The following BCKDHA variants were observed in gnomAD, a reference collection of about 807,000 sequenced individuals.
BCKDHA encodes the protein 2-oxoisovalerate dehydrogenase subunit alpha, mitochondrial.
Under a neutral mutation model 52.2 loss-of-function variants are expected in BCKDHA, and 43 were observed. The ratio of observed to expected loss-of-function variants is 0.82; its 90% CI spans 0.64 to 1.06. The LOEUF (loss-of-function observed/expected upper bound fraction) is 1.06. BCKDHA is among the 50% of genes least tolerant of loss of function. The pLI is 0.00. For synonymous variants in BCKDHA, 234 were observed against 247.9 expected, an observed-to-expected ratio of 0.94 and a Z score of 0.53; for missense variants, 527 against 621.3, an observed-to-expected ratio of 0.85 and a Z score of 1.61.
At chr19:41,423,214 C>A (rs373091718) in intron 8 of BCKDHA, 45 bp downstream of exon 8, 162 of 1,546,624 alleles carry the variant, frequency 1.0e-4, no homozygotes, top group Non-Finnish European at 1.4e-4. Context: ...GCTGCTGCGG[C>A]CTGCAGAGCT....
At chr19:41,423,230 A>G in intron 8 of BCKDHA, 61 bp downstream of exon 8, 2 of 1,544,772 alleles carry the variant, frequency 1.3e-6, no homozygotes, top group Non-Finnish European at 1.7e-6. Context: ...GAGCTTGGGA[A>G]GGATTTGTGG....
chr19:41,421,443 G>A (rs928741553), intron 5 of BCKDHA, among the ~76,000 whole-genome samples: 2 of 106,936 alleles, frequency 1.9e-5, no homozygotes, highest in African/African-American at 4.7e-5. Flanking sequence ...CTGAAGTATG[G>A]ACCAGAGGAT....
intron 4 of BCKDHA, among the ~76,000 whole-genome samples, chr19:41,417,063 G>A (rs1192441046): frequency 3.3e-5 from 5 of 152,276 alleles, no homozygotes; most frequent in Admixed American, 3.3e-4. Context: ...CCAGGTTGAA[G>A]TGCAGTGGCA....
intron 1 of BCKDHA, among the ~76,000 whole-genome samples, chr19:41,408,536 A>G (rs185933455): frequency 0.011 from 1,643 of 151,724 alleles, 34 homozygotes; most frequent in African/African-American, 0.038. Context: ...TAGGCTTCTC[A>G]CAGGTCTCCT....
At chr19:41,407,913 G>C (rs1008526506) in intron 1 of BCKDHA, among the ~76,000 whole-genome samples, 2 of 151,816 alleles carry the variant, frequency 1.3e-5, no homozygotes, top group East Asian at 3.9e-4. Context: ...ATGTCTAGGA[G>C]CCTGAATCTC....
chr19:41,424,728 C>G lies in BCKDHA; in HGVS notation c.*120C>G. 1 of 1,198,298 alleles carries G rather than the reference C, an allele frequency of 8.3e-7. No individual in the cohort carries two copies. Among genetic ancestry groups the G allele is most frequent in the South Asian group, 1.6e-5 (1 of 63,948 alleles). 74.2% of individuals were successfully genotyped at this position (1,198,298 alleles called of 1,614,324 possible). ...TCCCCAGTCAGCTCCCTCTAAAATA[C>G]TCAGCGGCCAGGGCGGCTGCCACTC... On this transcript the variant is annotated 3_prime_UTR_variant, in exon 9 of 9. Transcript: ENST00000269980.
chr19:41,406,829 C>CA lies in BCKDHA; in HGVS notation c.109-3805dup, dbSNP rs199740671. 2.0e-3 allele frequency among the ~76,000 whole-genome samples: 309 copies of CA among 152,336 alleles called. 2 individuals carry two copies. The highest frequency in any genetic ancestry group is 0.015 in the East Asian group (80 of 5,174). ...AGGTGATCTGCCTGCCTCGGACTCC[C>CA]AAAGTGCTGGGATTACAGGCGTGAG... On this transcript the variant is annotated intron_variant, in intron 1 of 8. Transcript: ENST00000269980.
At chr19:41,410,410 C>T (rs1365926073) in intron 1 of BCKDHA, among the ~76,000 whole-genome samples, 1 of 152,182 alleles carries the variant, frequency 6.6e-6, no homozygotes, top group Non-Finnish European at 1.5e-5. Context: ...TGTTTTCATC[C>T]CAGTTTTTCA....
intron 5 of BCKDHA, among the ~76,000 whole-genome samples, chr19:41,421,807 C>G (rs545170953): frequency 3.8e-4 from 58 of 152,134 alleles, no homozygotes; most frequent in African/African-American, 1.4e-3. Context: ...GTGTGAAGGG[C>G]TAGTAAGGAG....
At chr19:41,417,770 CAA>C (rs955555835) in intron 4 of BCKDHA, among the ~76,000 whole-genome samples, 14 of 151,864 alleles carry the variant, frequency 9.2e-5, no homozygotes, top group Non-Finnish European at 1.0e-4. Flanking sequence ...CCTGAAAATG[CAA>C]AAATTAGCTG....
chr19:41,405,206 C>T (rs1017050824), intron 1 of BCKDHA, among the ~76,000 whole-genome samples: 1 of 152,202 alleles, frequency 6.6e-6, no homozygotes, highest in South Asian at 2.1e-4. Flanking sequence ...GGTTAATCCT[C>T]ATGACAACCC....
In BCKDHA at chr19:41,422,375, G is replaced by A. The variant is rs753870367; in HGVS notation, c.853+5G>A. The A allele has an allele frequency of 8.7e-6, 14 of 1,613,954 alleles. No individual in the cohort carries two copies. The East Asian group carries it at 8.9e-5, about 10-fold the overall frequency. ...AGTATCGCGGCGATGGCATTGGTAT[G>A]GGCTCTGCTGGCTGCTCCCCACCCC... On this transcript the variant is annotated splice_donor_5th_base_variant and intron_variant, in intron 6 of 8. Transcript: ENST00000269980.
intron 8 of BCKDHA, among the ~76,000 whole-genome samples, 181 bp from the exon 9 acceptor site, chr19:41,424,257 C>T (rs1163644168): frequency 2.0e-5 from 3 of 152,218 alleles, no homozygotes; most frequent in African/African-American, 4.8e-5. Flanking sequence ...ACTTGGATAG[C>T]ACCTGATCCC....
chr19:41,413,952 T>A, intron 3 of BCKDHA, 97 bp from the exon 4 acceptor site: 1 of 1,048,296 alleles, frequency 9.5e-7, no homozygotes, highest in Non-Finnish European at 1.5e-6. Context: ...GGACTGTGAA[T>A]TCATGGAGGT....
chr19:41,413,311 C>T (rs1348234043), intron 3 of BCKDHA, among the ~76,000 whole-genome samples: 1 of 152,058 alleles, frequency 6.6e-6, no homozygotes. Flanking sequence ...GCAAGGGAGG[C>T]CAGGGACCTG....
At chr19:41,415,953 T>C (rs1358320593) in intron 4 of BCKDHA, among the ~76,000 whole-genome samples, 1 of 150,790 alleles carries the variant, frequency 6.6e-6, no homozygotes, top group African/African-American at 2.4e-5. Context: ...GGCCTTTTTT[T>C]TTTTTTTTGA....
intron 7 of BCKDHA, 82 bp downstream of exon 7, chr19:41,422,852 A>G (rs971966509): frequency 2.7e-5 from 44 of 1,604,088 alleles, no homozygotes; most frequent in Non-Finnish European, 3.6e-5. Flanking sequence ...ACTGTCTCCA[A>G]AACATGGCCT....
chr19:41,405,526 T>A (rs1283804198), intron 1 of BCKDHA, among the ~76,000 whole-genome samples: 1 of 151,910 alleles, frequency 6.6e-6, no homozygotes, highest in Non-Finnish European at 1.5e-5. Flanking sequence ...CGATCCTCCC[T>A]CCTTGGCCTC....
At chr19:41,422,968 A>G in intron 7 of BCKDHA, 30 bp from the exon 8 acceptor site, 1 of 1,598,490 alleles carries the variant, frequency 6.3e-7, no homozygotes, top group Non-Finnish European at 8.5e-7. Context: ...GGGAGCCCAC[A>G]CTGACCTGGG....
Sources: allele counts gnomAD v4.1 joint callset (sites outside exome capture counted in the v4.1 genomes callset), GRCh38; gene constraint gnomAD v4.1.1; transcripts MANE v1.5; gene names NCBI Gene and HGNC (gene_info 2026-07-23, HGNC 2026-07-21).